Variants in XDH observed in about 807,000 individuals in gnomAD.
XDH encodes xanthine dehydrogenase/oxidase.
XDH carries 138 observed loss-of-function variants against 156.1 expected under a neutral mutation model. The ratio of observed to expected loss-of-function variants is 0.88; its 90% CI spans 0.77 to 1.02. The LOEUF (loss-of-function observed/expected upper bound fraction) is 1.02. Ranked by LOEUF, XDH falls within the 50% of genes least tolerant of loss-of-function variation. The probability of loss-of-function intolerance (pLI) is 0.00; values close to 1 mark genes in which losing one functional copy is unlikely to be tolerated. For synonymous variants in XDH, 669 were observed against 625.7 expected (o/e 1.07, Z -1.03); for missense variants, 1,849 against 1,684.9 (o/e 1.10, Z -1.71).
At chr2:31,373,561 G>C (rs980130443) in intron 16 of XDH, among the ~76,000 whole-genome samples, 6 of 145,676 alleles carry the variant, frequency 4.1e-5, no homozygotes, top group African/African-American at 1.6e-4. Flanking sequence ...TTGTTTGTTT[G>C]TTTGTTTTAG....
At position 31,365,449 on chromosome 2, in the gene XDH, T is replaced by C; in HGVS notation, c.2544+8A>G. On this transcript the variant is annotated splice_region_variant and intron_variant, in intron 23 of 35. Transcript: ENST00000379416. ...ATCCCGCCCCAGCACAGCCCCAACA[T>C]CTAGAACCTTGTATCTGGCCAGGAA... 6.2e-7 allele frequency: 1 copy of C among 1,614,116 alleles called. No individual in the cohort carries two copies. Among genetic ancestry groups the C allele is most frequent in the South Asian group, 1.1e-5 (1 of 91,072 alleles).
intron 7 of XDH, 142 bp from the exon 8 acceptor site, chr2:31,388,039 G>A (rs1332071466): frequency 1.8e-6 from 2 of 1,129,850 alleles, no homozygotes; most frequent in Non-Finnish European, 1.3e-6. Context: ...CTGGGAGGCA[G>A]GAATGAGAGA....
intron 2 of XDH, among the ~76,000 whole-genome samples, chr2:31,404,637 T>C (rs1687148422): frequency 6.6e-6 from 1 of 152,208 alleles, no homozygotes; most frequent in East Asian, 1.9e-4. Flanking sequence ...CTAAAATTGA[T>C]CTCAATAATC....
intron 24 of XDH, among the ~76,000 whole-genome samples, chr2:31,356,236 G>A (rs1282770702): frequency 6.6e-6 from 1 of 152,010 alleles, no homozygotes; most frequent in Non-Finnish European, 1.5e-5. Context: ...AATCAGGAAG[G>A]GTATAGAAGA....
At chr2:31,376,113 C>T (rs959727858) in intron 14 of XDH, among the ~76,000 whole-genome samples, 6 of 151,954 alleles carry the variant, frequency 3.9e-5, no homozygotes, top group African/African-American at 1.2e-4. Flanking sequence ...ATAGTAGTAG[C>T]AGTAGTACTA....
At chr2:31,414,579 C>T (rs1663656152) in intron 1 of XDH, 46 bp downstream of exon 1, 1 of 1,611,376 alleles carries the variant, frequency 6.2e-7, no homozygotes, top group Admixed American at 1.7e-5. Flanking sequence ...CACATTTCCC[C>T]TCCCAGGGAG....
chr2:31,368,774 T>C (rs1685991968), intron 18 of XDH, 114 bp from the exon 19 acceptor site: 1 of 1,587,346 alleles, frequency 6.3e-7, no homozygotes, highest in African/African-American at 1.3e-5. Flanking sequence ...CAAAGCACAC[T>C]TTAGGAATGC....
intron 8 of XDH, among the ~76,000 whole-genome samples, 193 bp downstream of exon 8, chr2:31,387,618 C>A (rs1398319281): frequency 6.6e-6 from 1 of 152,128 alleles, no homozygotes; most frequent in African/African-American, 2.4e-5. Flanking sequence ...CACACATGAA[C>A]TGAAGTGCAG....
At chr2:31,401,083 C>T in intron 4 of XDH, 137 bp downstream of exon 4, 1 of 958,796 alleles carries the variant, frequency 1.0e-6, no homozygotes, top group Non-Finnish European at 1.6e-6. Context: ...GGGGAGGTGG[C>T]CAGGGTGAAA....
At chr2:31,339,409 T>A (rs1685060025) in intron 34 of XDH, 80 bp downstream of exon 34, 1 of 1,590,520 alleles carries the variant, frequency 6.3e-7, no homozygotes, top group Non-Finnish European at 8.6e-7. Context: ...ACCAGGTGGG[T>A]CACTGAGGCC....
chr2:31,351,386 C>G (rs1161990359), intron 24 of XDH, among the ~76,000 whole-genome samples: 1 of 152,026 alleles, frequency 6.6e-6, no homozygotes, highest in East Asian at 1.9e-4. Flanking sequence ...TTTCTCTTTT[C>G]CCTCCTGAGC....
Position 31,383,116 on chromosome 2 carries a change from A to C in XDH, c.923T>G (p.Val308Gly), listed in dbSNP as rs753339063. 2.5e-6 allele frequency: 4 copies of C among 1,614,160 alleles called. No homozygotes were observed. The African/African-American group carries it at 4.0e-5, about 16-fold the overall frequency. ...SFGAACPLSI[V>G]EKTLVDAVAK... ...AACAGCATCCACCAGGGTTTTTTCC[A>C]CAATGCTCAGGGGGCAAGCAGCTCC... The change falls in exon 11 of 36, where the codon GTG becomes GGG. Residue 308 changes from valine (V) to glycine (G), a missense_variant. By Grantham distance (109) the Val-to-Gly change is moderately radical. Transcript: ENST00000379416.
At chr2:31,388,706 C>T (rs1342732407) in intron 6 of XDH, among the ~76,000 whole-genome samples, 1 of 152,174 alleles carries the variant, frequency 6.6e-6, no homozygotes, top group African/African-American at 2.4e-5. Context: ...GTTCTAGGGG[C>T]GTGGCTGGTG....
intron 31 of XDH, among the ~76,000 whole-genome samples, chr2:31,343,268 G>A (rs1380420923): frequency 2.9e-5 from 3 of 104,132 alleles, no homozygotes; most frequent in Admixed American, 2.1e-4. Flanking sequence ...GAAAGCATTG[G>A]CAAAACATTT....
At chr2:31,376,915 T>C (rs1558695649) in intron 14 of XDH, 138 bp downstream of exon 14, 5 of 1,103,300 alleles carry the variant, frequency 4.5e-6, no homozygotes, top group South Asian at 2.6e-5. Context: ...GTAGCAGTAG[T>C]AGCAGCAGTA....
chr2:31,396,680 G>C (rs1160627758), intron 6 of XDH, among the ~76,000 whole-genome samples: 2 of 152,156 alleles, frequency 1.3e-5, no homozygotes, highest in Non-Finnish European at 2.9e-5. Flanking sequence ...ATAGAAACAA[G>C]GAGACTTGCC....
In XDH at chr2:31,353,061, C is replaced by T. The variant is rs531176528; in HGVS notation, c.2632-2838G>A. On this transcript the variant is annotated intron_variant, in intron 24 of 35. Coordinates refer to ENST00000379416, the MANE Select transcript of XDH (RefSeq NM_000379.4). The stretch of plus-strand genomic sequence containing the variant: ...TTTTTCAAACAAGAATCTATACATA[C>T]GTAACTACTATGGTTACAAAATTAA... 6.0e-5 allele frequency among the ~76,000 whole-genome samples: 9 copies of T among 150,316 alleles called. No individual in the cohort carries two copies. In the East Asian group the frequency reaches 1.2e-3, roughly 19 times the overall value.
chr2:31,364,079 G>A, intron 24 of XDH, 79 bp downstream of exon 24: 2 of 1,368,276 alleles, frequency 1.5e-6, no homozygotes. Context: ...GCAGGGACTG[G>A]GGAGGCCTGT....
intron 26 of XDH, 144 bp from the exon 27 acceptor site, chr2:31,349,124 G>A (rs1259782824): frequency 1.3e-6 from 1 of 781,948 alleles, no homozygotes; most frequent in Non-Finnish European, 2.1e-6. Context: ...CCACACCAGG[G>A]GGTCTTGTCA....
Sources: allele counts gnomAD v4.1 joint callset (sites outside exome capture counted in the v4.1 genomes callset), GRCh38; gene constraint gnomAD v4.1.1; transcripts MANE v1.5; gene names NCBI Gene and HGNC (gene_info 2026-07-23, HGNC 2026-07-21).